TEX26: variants seen among roughly 807,000 people sequenced by gnomAD.
The protein encoded by TEX26 is testis expressed 26, also known as testis-expressed protein 26.
TEX26 carries 34 observed loss-of-function variants against 35.3 expected under a neutral mutation model. The ratio of observed to expected loss-of-function variants is 0.96; its 90% CI spans 0.73 to 1.28. TEX26 has a LOEUF of 1.28. Among genes scored for constraint, TEX26 ranks in the 50% most tolerant of loss-of-function variants. The pLI, the probability that TEX26 is intolerant of heterozygous loss-of-function variation, is 0.00. For synonymous variants in TEX26, 136 were observed against 111.8 expected (o/e 1.22, Z -1.36); for missense variants, 371 against 330.1 (o/e 1.12, Z -0.96).
chr13:30,936,124 A>T (rs1953264551), intron 1 of TEX26, among the ~76,000 whole-genome samples: 1 of 152,262 alleles, frequency 6.6e-6, no homozygotes, highest in African/African-American at 2.4e-5. Context: ...CATGTGGCAC[A>T]CTACAAGCAA....
chr13:30,937,346 C>T (rs1953311194), intron 1 of TEX26, among the ~76,000 whole-genome samples: 1 of 152,124 alleles, frequency 6.6e-6, no homozygotes, highest in Non-Finnish European at 1.5e-5. Flanking sequence ...GCTGTTCTGC[C>T]AGGCTTTTTG....
intron 1 of TEX26, chr13:30,936,829 A>G: frequency 1.0e-6 from 1 of 985,440 alleles, no homozygotes; most frequent in Non-Finnish European, 1.2e-6. Context: ...TGAGATACTG[A>G]GAAGAAAGTA....
chr13:30,939,565 T>C (rs778054508), intron 1 of TEX26, 129 bp from the exon 2 acceptor site: 20 of 747,480 alleles, frequency 2.7e-5, no homozygotes, highest in Admixed American at 5.2e-5. Flanking sequence ...TGGCCTTTAT[T>C]CCTTAGACTC....
At chr13:30,946,847 A>G (rs1350693832) in intron 2 of TEX26, among the ~76,000 whole-genome samples, 1 of 152,114 alleles carries the variant, frequency 6.6e-6, no homozygotes, top group African/African-American at 2.4e-5. Context: ...CAATAAAACC[A>G]ATGAATACTC....
chr13:30,937,269 T>TG (rs1429984998), intron 1 of TEX26, among the ~76,000 whole-genome samples: 1 of 152,184 alleles, frequency 6.6e-6, no homozygotes, highest in Non-Finnish European at 1.5e-5. Context: ...GGACCCTAGA[T>TG]GGGCGGGAAC....
At chr13:30,946,492 T>G (rs1419246261) in intron 2 of TEX26, among the ~76,000 whole-genome samples, 1 of 152,050 alleles carries the variant, frequency 6.6e-6, no homozygotes, top group Admixed American at 6.6e-5. Flanking sequence ...GCTAGTGTGA[T>G]CTTTTGGGGA....
chr13:30,949,388 G>A (rs1042451844), intron 2 of TEX26, among the ~76,000 whole-genome samples: 3 of 151,992 alleles, frequency 2.0e-5, no homozygotes, highest in Non-Finnish European at 2.9e-5. Context: ...TACCTAGTTG[G>A]TAAAATCAGT....
At chr13:30,957,176 G>A (rs1954171759) in intron 4 of TEX26, 147 bp downstream of exon 4, 1 of 762,004 alleles carries the variant, frequency 1.3e-6, no homozygotes, top group Non-Finnish European at 2.1e-6. Flanking sequence ...AAACCATCAA[G>A]TATAAAAAGG....
chr13:30,969,126 C>A, intron 6 of TEX26, 80 bp downstream of exon 6: 2 of 1,309,510 alleles, frequency 1.5e-6, no homozygotes, highest in Non-Finnish European at 2.0e-6. Flanking sequence ...CAAGTTCTAG[C>A]CACTGGAGTT....
At chr13:30,972,548 T>C (rs935078537) in intron 6 of TEX26, among the ~76,000 whole-genome samples, 4 of 152,152 alleles carry the variant, frequency 2.6e-5, no homozygotes, top group East Asian at 3.8e-4. Flanking sequence ...CAAATATCAA[T>C]GAGAGGAAGC....
intron 6 of TEX26, among the ~76,000 whole-genome samples, chr13:30,973,920 C>A (rs376542727): frequency 6.6e-6 from 1 of 151,368 alleles, no homozygotes; most frequent in Non-Finnish European, 1.5e-5. Flanking sequence ...GAAGCCGAGG[C>A]GGGTGGATCA....
chr13:30,970,714 A>C (rs1954685373), intron 6 of TEX26, among the ~76,000 whole-genome samples: 1 of 152,136 alleles, frequency 6.6e-6, no homozygotes, highest in African/African-American at 2.4e-5. Context: ...CATGGAAACC[A>C]TGGTGTCTGC....
rs768245821 is a variant in TEX26, at chr13:30,932,796, C to A, written c.61+20C>A. On this transcript the variant is annotated intron_variant, in intron 1 of 6. Transcript: ENST00000380473. ...AGCCAAGTAAGACAGCAGACTCTGC[C>A]GGTCTGCGGGGCGGGGCTGGGGTCT... 4.3e-5 allele frequency: 69 copies of A among 1,612,258 alleles called. No individual in the cohort carries two copies. The highest frequency in any genetic ancestry group is 5.5e-5 in the Non-Finnish European group (65 of 1,179,312).
At chr13:30,974,147 T>TATATAC in intron 6 of TEX26, among the ~76,000 whole-genome samples, 1 of 140,082 alleles carries the variant, frequency 7.1e-6, no homozygotes, top group Non-Finnish European at 1.5e-5. Context: ...TATATATATA[T>TATATAC]ATATATATAA....
At chr13:30,937,032 A>G in intron 1 of TEX26, 8 of 973,818 alleles carry the variant, frequency 8.2e-6, no homozygotes, top group Non-Finnish European at 9.8e-6. Context: ...AATCATTAAC[A>G]TGAAATTAAA....
At chr13:30,936,973 G>C in intron 1 of TEX26, 1 of 985,314 alleles carries the variant, frequency 1.0e-6, no homozygotes, top group Non-Finnish European at 1.2e-6. Context: ...GTCAATGGAG[G>C]TAAAAAGCAT....
chr13:30,934,998 G>C (rs1201259622), intron 1 of TEX26, among the ~76,000 whole-genome samples: 2 of 152,226 alleles, frequency 1.3e-5, no homozygotes, highest in African/African-American at 4.8e-5. Flanking sequence ...CCCTGGTGCA[G>C]CTGCAGCTGC....
intron 4 of TEX26, among the ~76,000 whole-genome samples, chr13:30,959,302 T>A (rs1308904954): frequency 6.6e-6 from 1 of 152,206 alleles, no homozygotes; most frequent in Non-Finnish European, 1.5e-5. Flanking sequence ...GGCAGTCAAT[T>A]TCAATCTGGT....
intron 2 of TEX26, among the ~76,000 whole-genome samples, chr13:30,948,639 A>G (rs1379715723): frequency 6.6e-6 from 1 of 152,162 alleles, no homozygotes; most frequent in Admixed American, 6.5e-5. Context: ...TCTGGATATT[A>G]GCCCTTTGTC....
Sources: gnomAD v4.1 joint callset for allele counts (sites outside exome capture counted in the v4.1 genomes callset) on GRCh38, gnomAD v4.1.1 for gene constraint, MANE v1.5 for transcripts, NCBI Gene and HGNC (gene_info 2026-07-23, HGNC 2026-07-21) for gene names.